KCNQ1OT1: variants seen among roughly 807,000 people sequenced by gnomAD.
The protein encoded by KCNQ1OT1 is KCNQ1 antisense RNA 2 (non-protein coding).
exon 1 of KCNQ1OT1, chr11:2,675,592 C>G (rs1850279342): frequency 2.5e-6 from 1 of 398,502 alleles, no homozygotes; most frequent in South Asian, 1.3e-4. Flanking sequence ...CTAGGAGATC[C>G]CAATTGCTCC....
chr11:2,643,685 T>C, exon 1 of KCNQ1OT1: 1 of 398,560 alleles, frequency 2.5e-6, no homozygotes, highest in South Asian at 1.3e-4. Flanking sequence ...ATTCCTGTCA[T>C]TAATTGATTT....
chr11:2,676,347 C>T lies in KCNQ1OT1; in HGVS notation n.23648G>A. ...CAGTGTAGTTGAAGTGCTGTTTTCTCATGGTTGGGCTTCCAGTATAATTGG... is the reference window on the plus strand; with the variant it reads ...CAGTGTAGTTGAAGTGCTGTTTTCTTATGGTTGGGCTTCCAGTATAATTGG... On this transcript the variant is annotated non_coding_transcript_exon_variant, in exon 1 of 1. Transcript: ENST00000597346. The surrounding 1 kb of genome is among the most constrained non-coding windows in gnomAD (Gnocchi z 4.2). 5.0e-6 allele frequency: 2 copies of T among 398,650 alleles called. No individual in the cohort carries two copies. The highest frequency in any genetic ancestry group is 2.1e-5 in the African/African-American group (1 of 48,754). The allele number at this position is 398,650 out of a possible 1,614,324, so 24.7% of individuals were successfully genotyped here.
Position 2,668,740 on chromosome 11 carries a change from C to T in KCNQ1OT1, n.31255G>A, listed in dbSNP as rs528604498. 2.5e-6 allele frequency: 1 copy of T among 398,654 alleles called. No individual in the cohort carries two copies. The highest frequency in any genetic ancestry group is 1.3e-4 in the South Asian group (1 of 7,850). The allele number at this position is 398,654 out of a possible 1,614,324, so 24.7% of individuals were successfully genotyped here. ...CACACATTGCAAATATCGCCTCCCC[C>T]TCTGCAGGCTGCCTTCTTCCTCTCT... On this transcript the variant is annotated non_coding_transcript_exon_variant, in exon 1 of 1. Transcript: ENST00000597346. The surrounding 1 kb of genome is among the most constrained non-coding windows in gnomAD (Gnocchi z 4.3).
exon 1 of KCNQ1OT1, chr11:2,618,920 C>A (rs923225363): frequency 7.5e-6 from 3 of 398,076 alleles, no homozygotes; most frequent in African/African-American, 6.2e-5. Flanking sequence ...TATTCCTAAG[C>A]AATTTTTTTG....
chr11:2,618,076 T>C (rs1564835106), exon 1 of KCNQ1OT1: 2 of 398,490 alleles, frequency 5.0e-6, no homozygotes, highest in Non-Finnish European at 8.8e-6. Flanking sequence ...CCTGAGCTTT[T>C]GGTGTGATCT....
chr11:2,678,102 C>T lies in KCNQ1OT1; in HGVS notation n.21893G>A, dbSNP rs1012196361. On this transcript the variant is annotated non_coding_transcript_exon_variant, in exon 1 of 1. Coordinates refer to ENST00000597346, the Ensembl canonical transcript of KCNQ1OT1. This position sits in a 1 kb window ranked among gnomAD's most constrained non-coding sequence, Gnocchi z 4.9. Reference sequence around the variant, plus strand: ...TGTCTTACTGATTTGTAGAAACTTGCTTTGTCATATTCATTGAAAATATTT... The same window carrying T: ...TGTCTTACTGATTTGTAGAAACTTGTTTTGTCATATTCATTGAAAATATTT... 2.5e-6 allele frequency: 1 copy of T among 398,154 alleles called. No individual in the cohort carries two copies. The highest frequency in any genetic ancestry group is 4.4e-6 in the Non-Finnish European group (1 of 225,930). 24.7% of individuals were successfully genotyped at this position (398,154 alleles called of 1,614,324 possible).
At chr11:2,684,385 T>C in exon 1 of KCNQ1OT1, 4 of 398,692 alleles carry the variant, frequency 1.0e-5, no homozygotes, top group Non-Finnish European at 1.8e-5. Flanking sequence ...CAAGCTCCAG[T>C]GGGGTCCATC....
chr11:2,651,581 G>A lies in KCNQ1OT1; in HGVS notation n.48414C>T. On this transcript the variant is annotated non_coding_transcript_exon_variant, in exon 1 of 1. Transcript: ENST00000597346. The surrounding 1 kb of genome is among the most constrained non-coding windows in gnomAD (Gnocchi z 6.1). ...TGTGTTCTTTACCTCCATGTCTCCAGTGCCTGCCACATAGCAGGTCCTCCA... is the reference window on the plus strand; with the variant it reads ...TGTGTTCTTTACCTCCATGTCTCCAATGCCTGCCACATAGCAGGTCCTCCA... 2.5e-6 allele frequency: 1 copy of A among 398,652 alleles called. No homozygotes were observed. Among genetic ancestry groups the A allele is most frequent in the Non-Finnish European group, 4.4e-6 (1 of 226,092 alleles). The allele number at this position is 398,652 out of a possible 1,614,324, so 24.7% of individuals were successfully genotyped here.
At chr11:2,636,541 G>A (rs1849468276) in exon 1 of KCNQ1OT1, 1 of 152,186 alleles carries the variant, frequency 6.6e-6, no homozygotes, top group Non-Finnish European at 1.5e-5. Flanking sequence ...AAGCCCACTT[G>A]ATCATGGTGG....
chr11:2,674,960 T>C lies in KCNQ1OT1; in HGVS notation n.25035A>G. On this transcript the variant is annotated non_coding_transcript_exon_variant, in exon 1 of 1. Coordinates refer to ENST00000597346, the Ensembl canonical transcript of KCNQ1OT1. This position sits in a 1 kb window ranked among gnomAD's most constrained non-coding sequence, Gnocchi z 5.9. ...TCGCTTCTGGGGCTGACTGGAGCTG[T>C]TTCTCTTCGTTTCCTCTTACAGTGG... The C allele has an allele frequency of 2.5e-6, 1 of 398,408 alleles. No individual in the cohort carries two copies. 24.7% of individuals were successfully genotyped at this position (398,408 alleles called of 1,614,324 possible). A position where few individuals can be genotyped will look rare whatever the true frequency, so the allele number is the denominator to read the frequency against.
At position 2,617,382 on chromosome 11, in the gene KCNQ1OT1, T is replaced by C. The variant is rs931863312; in HGVS notation, n.82613A>G. The C allele has an allele frequency of 1.5e-5, 6 of 398,478 alleles. No homozygotes were observed. Among genetic ancestry groups the C allele is most frequent in the African/African-American group, 1.2e-4 (6 of 48,754 alleles). 24.7% of individuals were successfully genotyped at this position (398,478 alleles called of 1,614,324 possible). ...CTTAGCACAATGTCTTCCAGTTTCA[T>C]CCATGTGGCAAGTGGCAGGATCTCC... On this transcript the variant is annotated non_coding_transcript_exon_variant, in exon 1 of 1. Coordinates refer to ENST00000597346, the Ensembl canonical transcript of KCNQ1OT1. The surrounding 1 kb of genome is among the most constrained non-coding windows in gnomAD (Gnocchi z 4.6).
Position 2,687,464 on chromosome 11 carries a change from C to G in KCNQ1OT1, n.12531G>C, listed in dbSNP as rs1850509942. 2.5e-6 allele frequency: 1 copy of G among 398,860 alleles called. No individual in the cohort carries two copies. The highest frequency in any genetic ancestry group is 3.6e-5 in the East Asian group (1 of 28,072). 24.7% of individuals were successfully genotyped at this position (398,860 alleles called of 1,614,324 possible). Reference sequence around the variant, plus strand: ...CAGATCCCTGCCTGCACAAGAGCTGCTGCAGCATTTCAATAGGGCCATCCC... The same window carrying G: ...CAGATCCCTGCCTGCACAAGAGCTGGTGCAGCATTTCAATAGGGCCATCCC... On this transcript the variant is annotated non_coding_transcript_exon_variant, in exon 1 of 1. Transcript: ENST00000597346. The surrounding 1 kb of genome is among the most constrained non-coding windows in gnomAD (Gnocchi z 5.0).
exon 1 of KCNQ1OT1, chr11:2,615,667 A>G (rs1849048740): frequency 2.5e-6 from 1 of 397,916 alleles, no homozygotes; most frequent in South Asian, 1.3e-4. Context: ...TCATTGTATT[A>G]ATGTGGTGTA....
rs982267316 is a variant in KCNQ1OT1, at chr11:2,690,023, C to T, written n.9972G>A. ...GAACTGTTGAGGAAGGTGAGCCTTCCGAGGGCCAGCCCTGCCTCTCCTCCC... is the reference window on the plus strand; with the variant it reads ...GAACTGTTGAGGAAGGTGAGCCTTCTGAGGGCCAGCCCTGCCTCTCCTCCC... On this transcript the variant is annotated non_coding_transcript_exon_variant, in exon 1 of 1. Transcript: ENST00000597346. This position sits in a 1 kb window ranked among gnomAD's most constrained non-coding sequence, Gnocchi z 5.1. The T allele has an allele frequency of 2.0e-5, 8 of 398,772 alleles. No homozygotes were observed. Among genetic ancestry groups the T allele is most frequent in the East Asian group, 1.1e-4 (3 of 28,094 alleles). The allele number at this position is 398,772 out of a possible 1,614,324, so 24.7% of individuals were successfully genotyped here.
At position 2,626,150 on chromosome 11, in the gene KCNQ1OT1, A is replaced by G; in HGVS notation, n.73845T>C. 1 of 397,582 alleles carries G rather than the reference A, an allele frequency of 2.5e-6. No homozygotes were observed. Among genetic ancestry groups the G allele is most frequent in the Non-Finnish European group, 4.4e-6 (1 of 226,048 alleles). The allele number at this position is 397,582 out of a possible 1,614,324, so 24.6% of individuals were successfully genotyped here. ...ATACAAGAAGCACTGCCAATGATGT[A>G]AAGTTTTTCCCCTATGTTTCCTTAT... On this transcript the variant is annotated non_coding_transcript_exon_variant, in exon 1 of 1. Transcript: ENST00000597346. The surrounding 1 kb of genome is among the most constrained non-coding windows in gnomAD (Gnocchi z 4.0).
Position 2,616,851 on chromosome 11 carries a change from T to TGC in KCNQ1OT1, n.83143_83144insGC. 4 of 397,934 alleles carry TGC rather than the reference T, an allele frequency of 1.0e-5. No homozygotes were observed. In the Admixed American group the frequency reaches 1.8e-4, roughly 18 times the overall value. The allele number at this position is 397,934 out of a possible 1,614,324, so 24.7% of individuals were successfully genotyped here. A position where few individuals can be genotyped will look rare whatever the true frequency, so the allele number is the denominator to read the frequency against. On this transcript the variant is annotated non_coding_transcript_exon_variant, in exon 1 of 1. Coordinates refer to ENST00000597346, the Ensembl canonical transcript of KCNQ1OT1. ...GTTCCATGTGCACTTGAGAAGAATG[T>TGC]GTAGTTGGGTGGAGTGTCCATATAT...
chr11:2,677,621 G>T lies in KCNQ1OT1; in HGVS notation n.22374C>A. The T allele has an allele frequency of 2.5e-6, 1 of 398,378 alleles. No homozygotes were observed. 24.7% of individuals were successfully genotyped at this position (398,378 alleles called of 1,614,324 possible). On this transcript the variant is annotated non_coding_transcript_exon_variant, in exon 1 of 1. Coordinates refer to ENST00000597346, the Ensembl canonical transcript of KCNQ1OT1. This position sits in a 1 kb window ranked among gnomAD's most constrained non-coding sequence, Gnocchi z 4.5. Reference sequence around the variant, plus strand: ...CTCTGGATTTGTTTTTTTCTAAAACGTGTACATAATTGTAACTCTAACAAC... The same window carrying T: ...CTCTGGATTTGTTTTTTTCTAAAACTTGTACATAATTGTAACTCTAACAAC...
At chr11:2,610,716 C>CTTTTTTTTTTTTTTTTTT (rs1167505141) in exon 1 of KCNQ1OT1, 23 of 230,182 alleles carry the variant, frequency 1.0e-4, no homozygotes, top group African/African-American at 2.3e-4. Context: ...TCTTGGTTGG[C>CTTTTTTTTTTTTTTTTTT]TTTTTTTTTT....
chr11:2,626,353 G>A lies in KCNQ1OT1; in HGVS notation n.73642C>T. 5.0e-6 allele frequency: 2 copies of A among 398,492 alleles called. No homozygotes were observed. The highest frequency in any genetic ancestry group is 8.8e-6 in the Non-Finnish European group (2 of 226,054). 24.7% of individuals were successfully genotyped at this position (398,492 alleles called of 1,614,324 possible). ...AAGGGTCTCAACTTCAGTTATCCTGGCACCATTTGTTGAAAATACAGCACT... is the reference window on the plus strand; with the variant it reads ...AAGGGTCTCAACTTCAGTTATCCTGACACCATTTGTTGAAAATACAGCACT... On this transcript the variant is annotated non_coding_transcript_exon_variant, in exon 1 of 1. Coordinates refer to ENST00000597346, the Ensembl canonical transcript of KCNQ1OT1. The surrounding 1 kb of genome is among the most constrained non-coding windows in gnomAD (Gnocchi z 4.0).
Sources: gnomAD v4.1 joint callset for allele counts on GRCh38, gnomAD v4.1.1 for gene constraint, Gnocchi (gnomAD v3.1) non-coding constraint, MANE v1.5 for transcripts, NCBI Gene and HGNC (gene_info 2026-07-23, HGNC 2026-07-21) for gene names.